The following CIB2 variants were observed in gnomAD, a reference collection of about 807,000 sequenced individuals.
CIB2 encodes calcium and integrin binding family member 2.
In CIB2, 19 loss-of-function variants were observed where a neutral mutation model predicts 23.1. The ratio of observed to expected loss-of-function variants is 0.82; its 90% confidence interval spans 0.57 to 1.21. The LOEUF (loss-of-function observed/expected upper bound fraction) is 1.21, where lower values mean the gene tolerates loss of function less well. Among genes scored for constraint, CIB2 ranks in the 50% most tolerant of loss-of-function variants. The pLI is 0.00. For synonymous variants in CIB2, 94 were observed against 91.7 expected (o/e 1.03, Z -0.14); for missense variants, 220 against 241.5 (o/e 0.91, Z 0.59).
At chr15:78,106,404 T>A (rs2074071352) in intron 4 of CIB2, among the ~76,000 whole-genome samples, 1 of 152,208 alleles carries the variant, frequency 6.6e-6, no homozygotes, top group Non-Finnish European at 1.5e-5. Context: ...CCATGTTTTC[T>A]AAACTGCACC....
chr15:78,126,148 C>CCG (rs1555427610), intron 1 of CIB2, among the ~76,000 whole-genome samples: 29 of 149,236 alleles, frequency 1.9e-4, no homozygotes, highest in African/African-American at 6.2e-4. Context: ...CTGCCCCCCC[C>CCG]CCTTTTTTTT....
chr15:78,118,156 CA>C (rs1191483516), intron 2 of CIB2, among the ~76,000 whole-genome samples: 2 of 152,072 alleles, frequency 1.3e-5, no homozygotes, highest in African/African-American at 2.4e-5. Context: ...AGTATAATCC[CA>C]TTTTTTTTAA....
intron 3 of CIB2, 84 bp downstream of exon 3, chr15:78,111,081 T>G (rs2074151452): frequency 8.8e-7 from 1 of 1,138,226 alleles, no homozygotes; most frequent in Non-Finnish European, 1.3e-6. Flanking sequence ...AGGGTGGAGC[T>G]GGGTTCAGCC....
intron 1 of CIB2, among the ~76,000 whole-genome samples, chr15:78,130,428 G>A (rs1596366787): frequency 1.3e-5 from 2 of 152,228 alleles, no homozygotes; most frequent in East Asian, 1.9e-4. Context: ...CCAGGGCTCC[G>A]GGTAAGCCAA....
intron 2 of CIB2, 80 bp from the exon 3 acceptor site, chr15:78,111,356 C>A: frequency 3.6e-6 from 4 of 1,103,302 alleles, no homozygotes; most frequent in Non-Finnish European, 5.3e-6. Context: ...CTGCCTAGGC[C>A]TCTGCCTCTG....
chr15:78,130,490 G>A lies in CIB2; in HGVS notation c.51+675C>T, dbSNP rs144749963. The stretch of plus-strand genomic sequence containing the variant: ...AGCGAAGTTTTTACCTGGGTGGGAC[G>A]GTATTGGGATTCCAGATCTGGAAAG... On this transcript the variant is annotated intron_variant, in intron 1 of 5. Coordinates refer to ENST00000258930, the MANE Select transcript of CIB2 (RefSeq NM_006383.4). 5.2e-3 allele frequency among the ~76,000 whole-genome samples: 785 copies of A among 152,294 alleles called. 5 individuals are homozygous for A. The highest frequency in any genetic ancestry group is 0.024 in the South Asian group (114 of 4,826).
intron 4 of CIB2, among the ~76,000 whole-genome samples, chr15:78,108,201 C>CAAAA (rs5813898): frequency 3.8e-5 from 4 of 105,428 alleles, no homozygotes; most frequent in Non-Finnish European, 7.9e-5. Flanking sequence ...GACTCTGTCT[C>CAAAA]AAAAAAAAAA....
rs1029947051 is a variant in CIB2, at chr15:78,131,383, G to C, written c.-168C>G. The C allele has an allele frequency of 1.7e-3, 516 of 301,928 alleles. 1 individual carries two copies. Among genetic ancestry groups the C allele is most frequent in the Non-Finnish European group, 2.4e-3 (459 of 190,776 alleles). 18.7% of individuals were successfully genotyped at this position (301,928 alleles called of 1,614,324 possible). Reference sequence around the variant, plus strand: ...CGCAGCTCGCCTGGAGGAGGCGCGCGGGGGTCTCGGAGGCGGGGACGGGAA... The same window carrying C: ...CGCAGCTCGCCTGGAGGAGGCGCGCCGGGGTCTCGGAGGCGGGGACGGGAA... On this transcript the variant is annotated 5_prime_UTR_variant, in exon 1 of 6. Transcript: ENST00000258930. The surrounding 1 kb of genome is among the most constrained non-coding windows in gnomAD (Gnocchi z 5.8).
In CIB2 at chr15:78,105,326, G is replaced by GAT; in HGVS notation, c.548_549insAT (p.Phe183LeufsTer16). ...GGCAGTGTCCTCAGATCCGGATGTG[G>GAT]AAAGTGCTAGAAAGAGAGAAAGGGC... On this transcript the variant is annotated frameshift_variant, in exon 6 of 6. Transcript: ENST00000258930. LOFTEE classifies it high-confidence loss of function. 1 of 1,614,052 alleles carries GAT rather than the reference G, an allele frequency of 6.2e-7. No individual in the cohort carries two copies. The highest frequency in any genetic ancestry group is 2.2e-5 in the East Asian group (1 of 44,874).
intron 2 of CIB2, among the ~76,000 whole-genome samples, chr15:78,118,543 C>A (rs545987788): frequency 1.4e-5 from 2 of 147,798 alleles, no homozygotes; most frequent in Non-Finnish European, 3.0e-5. Flanking sequence ...GAGCCGAGAT[C>A]GCGCCATTGC....
chr15:78,115,081 A>ACCATTT (rs1347889948), intron 2 of CIB2, among the ~76,000 whole-genome samples: 1 of 152,202 alleles, frequency 6.6e-6, no homozygotes. Context: ...AATTTGATAG[A>ACCATTT]TGCATTTATG....
chr15:78,104,991 T>G lies in CIB2; in HGVS notation c.*320A>C. ...TCAGACCCCACCACCTCCTGTTGGG[T>G]TATCTGCTTTTCCCTCTTTGGGGGG... On this transcript the variant is annotated 3_prime_UTR_variant, in exon 6 of 6. Transcript: ENST00000258930. This position sits in a 1 kb window ranked among gnomAD's most constrained non-coding sequence, Gnocchi z 4.4. 2.9e-6 allele frequency: 1 copy of G among 343,984 alleles called. No homozygotes were observed. The highest frequency in any genetic ancestry group is 5.3e-6 in the Non-Finnish European group (1 of 190,390). The allele number at this position is 343,984 out of a possible 1,614,324, so 21.3% of individuals were successfully genotyped here.
chr15:78,109,993 C>A (rs1024869656), intron 3 of CIB2, among the ~76,000 whole-genome samples: 2 of 152,074 alleles, frequency 1.3e-5, no homozygotes, highest in African/African-American at 4.8e-5. Flanking sequence ...GCACTGGTGG[C>A]CCTCAGCTCA....
Position 78,109,217 on chromosome 15 carries a change from T to A in CIB2, c.346+18A>T, listed in dbSNP as rs1267746906. The stretch of plus-strand genomic sequence containing the variant: ...TCCCCCACCGCATATTCAGGCCCCC[T>A]CCTCTAGCCCTGGTTACCATAGATC... On this transcript the variant is annotated intron_variant, in intron 4 of 5. Transcript: ENST00000258930. 1.0e-6 allele frequency: 1 copy of A among 983,086 alleles called. No individual in the cohort carries two copies. The highest frequency in any genetic ancestry group is 1.4e-6 in the Non-Finnish European group (1 of 706,388). The allele number at this position is 983,086 out of a possible 1,614,324, so 60.9% of individuals were successfully genotyped here.
rs1596344501 is a variant in CIB2 at position 78,105,119 on chromosome 15, T to G, written c.*192A>C. On this transcript the variant is annotated 3_prime_UTR_variant, in exon 6 of 6. Transcript: ENST00000258930. The stretch of plus-strand genomic sequence containing the variant: ...CCGGGGCTGGACCACAGCGGGGCTG[T>G]GGGAAGGGTCCTAACCTTCACAGGC... The G allele has an allele frequency of 1.4e-6, 1 of 725,614 alleles. No homozygotes were observed. The allele number at this position is 725,614 out of a possible 1,614,324, so 44.9% of individuals were successfully genotyped here. A position where few individuals can be genotyped will look rare whatever the true frequency, so the allele number is the denominator to read the frequency against.
chr15:78,107,890 G>A (rs113140474), intron 4 of CIB2, among the ~76,000 whole-genome samples: 1 of 152,200 alleles, frequency 6.6e-6, no homozygotes, highest in South Asian at 2.1e-4. Context: ...TGAAACGTCA[G>A]TCTGGGCGTG....
rs554442129 is a variant in CIB2, at chr15:78,124,063, G to T, written c.52-324C>A. 1.2e-3 allele frequency among the ~76,000 whole-genome samples: 183 copies of T among 152,068 alleles called. 2 individuals carry two copies. The highest frequency in any genetic ancestry group is 1.7e-3 in the Non-Finnish European group (118 of 68,004). On this transcript the variant is annotated intron_variant, in intron 1 of 5. Transcript: ENST00000258930. ...GCGTGGCTGATTTGAGTGCCAGTGG[G>T]ATACACTGGGGGATGACAGGGAGGT...
chr15:78,110,830 C>A, intron 3 of CIB2: 2 of 472,822 alleles, frequency 4.2e-6, no homozygotes, highest in South Asian at 3.1e-5. Flanking sequence ...AAGCCACAGC[C>A]AGACAACGGG....
At chr15:78,115,462 A>G (rs1159229428) in intron 2 of CIB2, among the ~76,000 whole-genome samples, 1 of 151,780 alleles carries the variant, frequency 6.6e-6, no homozygotes, top group African/African-American at 2.4e-5. Context: ...GGGTTTCGTC[A>G]TGCTGGCCAG....
Sources: gnomAD v4.1 joint callset for allele counts (sites outside exome capture counted in the v4.1 genomes callset) on GRCh38, gnomAD v4.1.1 for gene constraint, Gnocchi (gnomAD v3.1) non-coding constraint, MANE v1.5 for transcripts, NCBI Gene and HGNC (gene_info 2026-07-23, HGNC 2026-07-21) for gene names.